TMEM201: variants seen among roughly 807,000 people sequenced by gnomAD.
TMEM201 encodes the protein RP13-15M17.2.
In TMEM201, 26 loss-of-function variants were observed where a neutral mutation model predicts 63.4. The ratio of observed to expected loss-of-function variants is 0.41; its 90% CI spans 0.30 to 0.57. The LOEUF (loss-of-function observed/expected upper bound fraction) is 0.57. TMEM201 is among the 20% of genes least tolerant of loss of function. TMEM201 has a pLI of 0.29. For missense variants in TMEM201, 794 were observed against 917.7 expected (o/e 0.87, Z 1.74); for synonymous variants, 417 against 421.6 (o/e 0.99, Z 0.14).
In TMEM201 at chr1:9,607,060, G is replaced by C. The variant is rs537812421; in HGVS notation, c.1161-497G>C. On this transcript the variant is annotated intron_variant, in intron 6 of 10. Coordinates refer to ENST00000340381, the MANE Select transcript of TMEM201 (RefSeq NM_001130924.3). The surrounding 1 kb of genome is among the most constrained non-coding windows in gnomAD (Gnocchi z 5.4). The stretch of plus-strand genomic sequence containing the variant: ...CTGGGAACAGAGGGTGCCCAGAGCC[G>C]TGCTGGGGCCTGACTTCCTATGATC... Among the ~76,000 whole-genome samples, 1 of 152,198 alleles carries C rather than the reference G, an allele frequency of 6.6e-6. No homozygotes were observed. The highest frequency in any genetic ancestry group is 1.5e-5 in the Non-Finnish European group (1 of 68,032).
At chr1:9,593,815 C>T (rs1195416896) in intron 1 of TMEM201, among the ~76,000 whole-genome samples, 5 of 152,198 alleles carry the variant, frequency 3.3e-5, no homozygotes, top group Admixed American at 6.5e-5. Flanking sequence ...GGGTGCAGAG[C>T]CTTGTCCGGC....
intron 4 of TMEM201, among the ~76,000 whole-genome samples, chr1:9,600,534 C>T (rs528339677): frequency 1.3e-5 from 2 of 152,192 alleles, no homozygotes; most frequent in Non-Finnish European, 2.9e-5. Context: ...GTCACTCTCC[C>T]GGGACACCCA....
At chr1:9,598,379 G>A (rs887399994) in intron 3 of TMEM201, 70 bp from the exon 4 acceptor site, 66 of 1,548,686 alleles carry the variant, frequency 4.3e-5, no homozygotes, top group East Asian at 2.3e-4. Flanking sequence ...CTGATTCCAC[G>A]TCTGACCTGT....
chr1:9,591,221 C>T (rs6540962), intron 1 of TMEM201, among the ~76,000 whole-genome samples: 111,908 of 152,170 alleles, frequency 0.74, 42,845 homozygotes, highest in Non-Finnish European at 0.84. Context: ...CACACTGTCT[C>T]CTCATGAAAC....
rs149027907 is a variant in TMEM201 at position 9,601,274 on chromosome 1, C to A, written c.776C>A (p.Thr259Lys). ...CCACCTGGTGGCAATGGCTCAGCCA[C>A]ACCTGACAATGGCACCACCCCTGGG... Reference protein sequence around the residue: ...ALPPGGNGSATPDNGTTPGAE... With the variant: ...ALPPGGNGSAKPDNGTTPGAE... Residue 259 changes from threonine to lysine, a missense_variant, in exon 5 of 11, where the codon ACA (threonine) becomes AAA (lysine). Physicochemically the swap from Thr to Lys is moderately conservative, Grantham distance 78 (BLOSUM62 -1). Coordinates refer to ENST00000340381, the MANE Select transcript of TMEM201 (RefSeq NM_001130924.3). 6.6e-5 allele frequency: 106 copies of A among 1,610,682 alleles called. No individual in the cohort carries two copies. Among genetic ancestry groups the A allele is most frequent in the Non-Finnish European group, 8.3e-5 (98 of 1,179,858 alleles).
chr1:9,602,615 C>T, intron 6 of TMEM201: 2 of 1,218,734 alleles, frequency 1.6e-6, no homozygotes, highest in South Asian at 1.9e-5. Flanking sequence ...CTGGCAGCTC[C>T]AGGCACCCCC....
rs929183174 is a variant in TMEM201 at position 9,604,548 on chromosome 1, T to C, written c.1160+2276T>C. ...ATGTGTCACCCCTGCCAGGGAACTC[T>C]TCTCCTCGCGGGGGACTTGGGATGG... On this transcript the variant is annotated intron_variant, in intron 6 of 10. Transcript: ENST00000340381. The surrounding 1 kb of genome is among the most constrained non-coding windows in gnomAD (Gnocchi z 4.1). The C allele has an allele frequency of 2.0e-6, 2 of 985,364 alleles. No individual in the cohort carries two copies. Among genetic ancestry groups the C allele is most frequent in the African/African-American group, 3.5e-5 (2 of 57,256 alleles). 61.0% of individuals were successfully genotyped at this position (985,364 alleles called of 1,614,324 possible).
intron 9 of TMEM201, chr1:9,611,109 G>T: frequency 4.9e-6 from 7 of 1,423,280 alleles, no homozygotes; most frequent in Non-Finnish European, 5.6e-6. Context: ...CTCAAATGGT[G>T]CTGTACTGCA....
rs549272626 is a variant in TMEM201, at chr1:9,611,066, A to G, written c.1765+261A>G. 472 of 1,514,530 alleles carry G rather than the reference A, an allele frequency of 3.1e-4. 3 individuals carry two copies. The highest frequency in any genetic ancestry group is 1.9e-4 in the Non-Finnish European group (213 of 1,133,556). 93.8% of individuals were successfully genotyped at this position (1,514,530 alleles called of 1,614,324 possible). ...GGAACTGATCGAAAACACATCACGCATTGCCAGGTGCGTGTGGCCACAGAT... is the reference window on the plus strand; with the variant it reads ...GGAACTGATCGAAAACACATCACGCGTTGCCAGGTGCGTGTGGCCACAGAT... On this transcript the variant is annotated intron_variant, in intron 9 of 10. Transcript: ENST00000340381.
chr1:9,601,128 C>G lies in TMEM201; in HGVS notation c.630C>G (p.Ser210=). 1 of 1,594,500 alleles carries G rather than the reference C, an allele frequency of 6.3e-7. No homozygotes were observed. Among genetic ancestry groups the G allele is most frequent in the Non-Finnish European group, 8.6e-7 (1 of 1,164,820 alleles). ...AGAACTTCTCCTCCGCCGTGAAGTC[C>G]CCGGTCCAGGTCATCCTGCTCCGTG... is the stretch of plus-strand genomic sequence containing the variant. ...HAQNFSSAVK[S]PVQVILLRAL... is the part of the protein sequence containing the mutation. The change falls in exon 5 of 11, where the codon TCC becomes TCG. Residue 210 remains serine, a synonymous_variant. Coordinates refer to ENST00000340381, the MANE Select transcript of TMEM201 (RefSeq NM_001130924.3).
At chr1:9,611,961 T>A in intron 10 of TMEM201, 71 bp downstream of exon 10, 1 of 1,442,872 alleles carries the variant, frequency 6.9e-7, no homozygotes, top group East Asian at 2.5e-5. Context: ...CCCAGGGGGG[T>A]CCAGAGCACT....
At position 9,611,881 on chromosome 1, in the gene TMEM201, A is replaced by G. The variant is rs1159978540; in HGVS notation, c.1894A>G (p.Thr632Ala). ...CAGGGGCTGCTCGGAGGAGGCCGCC[A>G]CCTGGAGAGGTCTGTACCCTGAGGT... is the stretch of plus-strand genomic sequence containing the variant. ...TTRGCSEEAA[T>A]WRGRFGPSLV... Residue 632 changes from threonine to alanine, a missense_variant, in exon 10 of 11, where the codon ACC becomes GCC. Thr to Ala is a moderately conservative substitution (Grantham distance 58). Transcript: ENST00000340381. The G allele has an allele frequency of 6.5e-7, 1 of 1,547,798 alleles. No individual in the cohort carries two copies. Among genetic ancestry groups the G allele is most frequent in the Admixed American group, 2.0e-5 (1 of 50,594 alleles).
At position 9,605,071 on chromosome 1, in the gene TMEM201, G is replaced by C; in HGVS notation, c.1161-2486G>C. ...ACACGTCCACAGGAGTCAGGTTTGGGAGCCAGTGACAATGACACCAGCTGG... is the reference window on the plus strand; with the variant it reads ...ACACGTCCACAGGAGTCAGGTTTGGCAGCCAGTGACAATGACACCAGCTGG... On this transcript the variant is annotated intron_variant, in intron 6 of 10. Coordinates refer to ENST00000340381, the MANE Select transcript of TMEM201 (RefSeq NM_001130924.3). This position sits in a 1 kb window ranked among gnomAD's most constrained non-coding sequence, Gnocchi z 5.7. 4 of 968,446 alleles carry C rather than the reference G, an allele frequency of 4.1e-6. No individual in the cohort carries two copies. The highest frequency in any genetic ancestry group is 4.9e-6 in the Non-Finnish European group (4 of 814,276). 60.0% of individuals were successfully genotyped at this position (968,446 alleles called of 1,614,324 possible).
In TMEM201 at chr1:9,610,261, T is replaced by G. The variant is rs1644303246; in HGVS notation, c.1466-245T>G. On this transcript the variant is annotated intron_variant, in intron 8 of 10. Coordinates refer to ENST00000340381, the MANE Select transcript of TMEM201 (RefSeq NM_001130924.3). This position sits in a 1 kb window ranked among gnomAD's most constrained non-coding sequence, Gnocchi z 4.9. ...GCTCTCAGCTGATGGTACCCAGGGCTTTGGATGGAAATCAAGGGCAGAAGG... is the reference window on the plus strand; with the variant it reads ...GCTCTCAGCTGATGGTACCCAGGGCGTTGGATGGAAATCAAGGGCAGAAGG... Among the ~76,000 whole-genome samples, 1 of 152,082 alleles carries G rather than the reference T, an allele frequency of 6.6e-6. No homozygotes were observed. The highest frequency in any genetic ancestry group is 6.5e-5 in the Admixed American group (1 of 15,270).
intron 8 of TMEM201, 33 bp downstream of exon 8, chr1:9,609,944 GGCAA>G: frequency 1.9e-6 from 3 of 1,547,714 alleles, no homozygotes; most frequent in Non-Finnish European, 2.6e-6. Flanking sequence ...TGGGGGACGG[GGCAA>G]CATGAAGCCC....
In TMEM201 at chr1:9,605,705, GC is replaced by G. The variant is rs1045267565; in HGVS notation, c.1161-1848del. Among the ~76,000 whole-genome samples the G allele has an allele frequency of 2.5e-4, 38 of 152,236 alleles. No individual in the cohort carries two copies. Among genetic ancestry groups the G allele is most frequent in the Admixed American group, 8.5e-4 (13 of 15,308 alleles). ...CAGTGGCACCAAACTGGGAACAACA[GC>G]CCCTGTGCCAGGTGGCCAGGAGATT... On this transcript the variant is annotated intron_variant, in intron 6 of 10. Coordinates refer to ENST00000340381, the MANE Select transcript of TMEM201 (RefSeq NM_001130924.3). The surrounding 1 kb of genome is among the most constrained non-coding windows in gnomAD (Gnocchi z 5.7).
rs7542415 is a variant in TMEM201, at chr1:9,601,293, C to A, written c.795C>A (p.Thr265=). The change falls in exon 5 of 11, where the codon ACC becomes ACA. Residue 265 remains threonine (T), a synonymous_variant. Coordinates refer to ENST00000340381, the MANE Select transcript of TMEM201 (RefSeq NM_001130924.3). ...CAGCCACACCTGACAATGGCACCAC[C>A]CCTGGGGCCGAGGGCTGGCGGCAGT... is the stretch of plus-strand genomic sequence containing the variant. ...NGSATPDNGT[T]PGAEGWRQLL... The A allele has an allele frequency of 5.0e-3, 8,093 of 1,610,330 alleles. 281 individuals are homozygous for A. The African/African-American group carries it at 0.078, about 16-fold the overall frequency.
rs1283979273 is a variant in TMEM201, at chr1:9,607,729, T to C, written c.1333T>C (p.Leu445=). The change falls in exon 7 of 11, where the codon TTG becomes CTG. Residue 445 remains leucine, a synonymous_variant. Transcript: ENST00000340381. The surrounding 1 kb of genome is among the most constrained non-coding windows in gnomAD (Gnocchi z 5.4). ...RSPRRTSPSS[L]PGRLSRALSL... ...TCCTCGACGGACCTCACCCTCCTCA[T>C]TGCCTGGCCGCCTCAGCCGGGCCCT... The C allele has an allele frequency of 1.3e-6, 2 of 1,551,720 alleles. No homozygotes were observed. Among genetic ancestry groups the C allele is most frequent in the Non-Finnish European group, 8.7e-7 (1 of 1,147,044 alleles).
At position 9,603,199 on chromosome 1, in the gene TMEM201, G is replaced by T; in HGVS notation, c.1160+927G>T. On this transcript the variant is annotated intron_variant, in intron 6 of 10. Coordinates refer to ENST00000340381, the MANE Select transcript of TMEM201 (RefSeq NM_001130924.3). The surrounding 1 kb of genome is among the most constrained non-coding windows in gnomAD (Gnocchi z 4.5). ...CCACTCTGTCCTCCGACTCAGGTGAGGGGGCAGCCCACAGACCTGCTCCTC... is the reference window on the plus strand; with the variant it reads ...CCACTCTGTCCTCCGACTCAGGTGATGGGGCAGCCCACAGACCTGCTCCTC... 1.0e-6 allele frequency: 1 copy of T among 985,508 alleles called. No individual in the cohort carries two copies. The highest frequency in any genetic ancestry group is 1.2e-6 in the Non-Finnish European group (1 of 829,996). The allele number at this position is 985,508 out of a possible 1,614,324, so 61.0% of individuals were successfully genotyped here.
Sources: allele counts gnomAD v4.1 joint callset (sites outside exome capture counted in the v4.1 genomes callset), GRCh38; gene constraint gnomAD v4.1.1; non-coding constraint Gnocchi (gnomAD v3.1); transcripts MANE v1.5; gene names NCBI Gene and HGNC (gene_info 2026-07-23, HGNC 2026-07-21).